ADAMTS9: variants seen among roughly 807,000 people sequenced by gnomAD.
ADAMTS9 encodes the protein A disintegrin and metalloproteinase with thrombospondin motifs 9.
ADAMTS9 carries 107 observed loss-of-function variants against 257.1 expected under a neutral mutation model. The observed-to-expected ratio is 0.42, with a 90% CI of 0.36 to 0.49. The LOEUF is 0.49. ADAMTS9 is among the 20% of genes least tolerant of loss of function. The pLI is 0.03. For synonymous variants in ADAMTS9, 982 were observed against 880.9 expected (o/e 1.11, Z -2.03); for missense variants, 2,353 against 2,469.1 (o/e 0.95, Z 1.00).
intron 28 of ADAMTS9, chr3:64,587,248 A>G (rs2084174153): frequency 6.6e-6 from 1 of 152,228 alleles, no homozygotes; most frequent in Non-Finnish European, 1.5e-5. Flanking sequence ...GAAACACAAG[A>G]AAGGCAAGAG....
At chr3:64,648,113 C>A in intron 10 of ADAMTS9, 69 bp from the exon 11 acceptor site, 2 of 1,412,104 alleles carry the variant, frequency 1.4e-6, no homozygotes, top group South Asian at 1.2e-5. Context: ...CAAAGCAAAG[C>A]TTGCTTTCAA....
chr3:64,624,039 G>A (rs2106870399), intron 16 of ADAMTS9, among the ~76,000 whole-genome samples: 1 of 151,584 alleles, frequency 6.6e-6, no homozygotes, highest in East Asian at 1.9e-4. Flanking sequence ...AGAAGCAGAG[G>A]GTAGAGTGGT....
intron 30 of ADAMTS9, among the ~76,000 whole-genome samples, chr3:64,554,520 C>T (rs745451787): frequency 1.3e-5 from 2 of 151,978 alleles, no homozygotes; most frequent in Non-Finnish European, 2.9e-5. Flanking sequence ...CAACCCTCTA[C>T]GATTTATGAC....
At chr3:64,519,613 C>T (rs895786159) in intron 39 of ADAMTS9, among the ~76,000 whole-genome samples, 9 of 152,180 alleles carry the variant, frequency 5.9e-5, no homozygotes, top group Non-Finnish European at 1.2e-4. Flanking sequence ...ATCGAGTGGA[C>T]TTTATTCTTG....
At chr3:64,684,050 G>T (rs1457972088) in intron 2 of ADAMTS9, among the ~76,000 whole-genome samples, 6 of 152,148 alleles carry the variant, frequency 3.9e-5, no homozygotes, top group Non-Finnish European at 5.9e-5. Context: ...TAAATTCCAA[G>T]GCACAAAGGC....
chr3:64,600,468 C>G (rs1477453392), intron 26 of ADAMTS9, among the ~76,000 whole-genome samples: 1 of 152,232 alleles, frequency 6.6e-6, no homozygotes, highest in Non-Finnish European at 1.5e-5. Flanking sequence ...TGCCCAAGGG[C>G]AGAATCATTC....
chr3:64,558,963 G>A (rs1393462154), intron 30 of ADAMTS9, among the ~76,000 whole-genome samples: 1 of 152,126 alleles, frequency 6.6e-6, no homozygotes, highest in Non-Finnish European at 1.5e-5. Context: ...CAGGTAAAAC[G>A]GTGGCTGAAA....
At chr3:64,589,104 T>A (rs372806175) in intron 28 of ADAMTS9, 1 of 152,232 alleles carries the variant, frequency 6.6e-6, no homozygotes, top group South Asian at 2.1e-4. Context: ...ATATTCCTTA[T>A]AGTCAAAATC....
chr3:64,563,167 A>G (rs762832419), intron 29 of ADAMTS9: 24 of 152,294 alleles, frequency 1.6e-4, no homozygotes, highest in Non-Finnish European at 2.6e-4. Context: ...TGATGACCCT[A>G]TCTATAGAGA....
intron 8 of ADAMTS9, among the ~76,000 whole-genome samples, chr3:64,651,470 T>G (rs1001196672): frequency 6.6e-6 from 1 of 152,184 alleles, no homozygotes; most frequent in Non-Finnish European, 1.5e-5. Flanking sequence ...ATGCTGTAGT[T>G]GGTGCTAGAA....
chr3:64,520,921 T>G (rs1036468421), intron 39 of ADAMTS9, among the ~76,000 whole-genome samples: 3 of 151,812 alleles, frequency 2.0e-5, no homozygotes, highest in Non-Finnish European at 4.4e-5. Flanking sequence ...CAAAAGCAAA[T>G]GCAACAAAAT....
intron 38 of ADAMTS9, among the ~76,000 whole-genome samples, chr3:64,525,900 T>C (rs1229305191): frequency 6.7e-6 from 1 of 148,176 alleles, no homozygotes; most frequent in Non-Finnish European, 1.5e-5. Context: ...AGTTATAGTA[T>C]TTAATAGTAC....
intron 16 of ADAMTS9, among the ~76,000 whole-genome samples, chr3:64,630,877 G>T (rs1700351747): frequency 6.6e-6 from 1 of 152,254 alleles, no homozygotes; most frequent in South Asian, 2.1e-4. Context: ...TTAAATATAA[G>T]GAATAGATAT....
In ADAMTS9 at chr3:64,541,510, G is replaced by T. The variant is rs1418561184; in HGVS notation, c.5292+16C>A. The T allele has an allele frequency of 1.2e-6, 2 of 1,610,516 alleles. No homozygotes were observed. Among genetic ancestry groups the T allele is most frequent in the Non-Finnish European group, 1.7e-6 (2 of 1,176,788 alleles). ...TAAAAACATTCTTGAAATAATGACT[G>T]GTGTCTGACATTCACCTTCAGAAGC... On this transcript the variant is annotated intron_variant, in intron 34 of 39. Coordinates refer to ENST00000498707, the MANE Select transcript of ADAMTS9 (RefSeq NM_182920.2).
intron 28 of ADAMTS9, among the ~76,000 whole-genome samples, chr3:64,574,559 C>CAAAAAAA (rs34194727): frequency 8.7e-5 from 7 of 80,732 alleles, no homozygotes; most frequent in African/African-American, 2.1e-4. Context: ...CCCATCTCTA[C>CAAAAAAA]AAAAAAAAAA....
Position 64,686,439 on chromosome 3 carries a change from C to G in ADAMTS9, c.516+129G>C. On this transcript the variant is annotated intron_variant, in intron 2 of 39. Coordinates refer to ENST00000498707, the MANE Select transcript of ADAMTS9 (RefSeq NM_182920.2). This position sits in a 1 kb window ranked among gnomAD's most constrained non-coding sequence, Gnocchi z 4.6. Reference sequence around the variant, plus strand: ...CTACCCAAACCATACGAGTTTCTAGCTGATATTTAACGCCGGAGAGGAGCG... The same window carrying G: ...CTACCCAAACCATACGAGTTTCTAGGTGATATTTAACGCCGGAGAGGAGCG... 7.7e-7 allele frequency: 1 copy of G among 1,297,852 alleles called. No homozygotes were observed. The highest frequency in any genetic ancestry group is 1.0e-6 in the Non-Finnish European group (1 of 965,956). 80.4% of individuals were successfully genotyped at this position (1,297,852 alleles called of 1,614,324 possible). A position where few individuals can be genotyped will look rare whatever the true frequency, so the allele number is the denominator to read the frequency against.
At position 64,597,837 on chromosome 3, in the gene ADAMTS9, G is replaced by A. The variant is rs76919928; in HGVS notation, c.4018-846C>T. The stretch of plus-strand genomic sequence containing the variant: ...AATGTTTGCTAGTGTCCTTTACCCC[G>A]ACCCTTGTAAAATCAGTTTGCCTAT... On this transcript the variant is annotated intron_variant, in intron 26 of 39. Transcript: ENST00000498707. 3.6e-3 allele frequency among the ~76,000 whole-genome samples: 554 copies of A among 152,026 alleles called. 4 individuals carry two copies. The highest frequency in any genetic ancestry group is 0.012 in the African/African-American group (499 of 41,470).
chr3:64,664,754 T>G (rs556838195), intron 3 of ADAMTS9, among the ~76,000 whole-genome samples: 2 of 152,286 alleles, frequency 1.3e-5, no homozygotes, highest in African/African-American at 4.8e-5. Flanking sequence ...AGGTTTTGGG[T>G]GAATATATTT....
At chr3:64,642,940 C>G (rs1344483332) in intron 11 of ADAMTS9, among the ~76,000 whole-genome samples, 3 of 152,128 alleles carry the variant, frequency 2.0e-5, no homozygotes, top group Non-Finnish European at 4.4e-5. Context: ...AGGTGAAGGT[C>G]TCAGTGGGAA....
Sources: allele counts gnomAD v4.1 joint callset (sites outside exome capture counted in the v4.1 genomes callset), GRCh38; gene constraint gnomAD v4.1.1; non-coding constraint Gnocchi (gnomAD v3.1); transcripts MANE v1.5; gene names NCBI Gene and HGNC (gene_info 2026-07-23, HGNC 2026-07-21).